SPAG16: variants seen among roughly 807,000 people sequenced by gnomAD.
SPAG16 encodes sperm-associated antigen 16 protein.
Under a neutral mutation model 80.4 loss-of-function variants are expected in SPAG16, and 86 were observed. The ratio of observed to expected loss-of-function variants is 1.07; its 90% CI spans 0.90 to 1.28. The LOEUF is 1.28. Among genes scored for constraint, SPAG16 ranks in the 50% most tolerant of loss-of-function variants. SPAG16 has a pLI of 0.00. For synonymous variants in SPAG16, 294 were observed against 265.9 expected, an observed-to-expected ratio of 1.11 and a Z score of -1.03; for missense variants, 870 against 765.3, an observed-to-expected ratio of 1.14 and a Z score of -1.61.
intron 15 of SPAG16, among the ~76,000 whole-genome samples, chr2:214,312,101 A>G (rs887810230): frequency 6.6e-6 from 1 of 152,348 alleles, no homozygotes; most frequent in South Asian, 2.1e-4. Context: ...AATATTTTAC[A>G]TGGGTTTTAG....
chr2:213,368,421 A>G (rs2066440330), intron 8 of SPAG16, among the ~76,000 whole-genome samples: 2 of 152,176 alleles, frequency 1.3e-5, no homozygotes, highest in South Asian at 4.1e-4. Flanking sequence ...ATCTCAAAAT[A>G]ATAAGAGCTA....
chr2:213,333,722 G>T (rs2064211040), intron 5 of SPAG16, among the ~76,000 whole-genome samples: 1 of 152,082 alleles, frequency 6.6e-6, no homozygotes, highest in Non-Finnish European at 1.5e-5. Context: ...ACACATTTTT[G>T]ACATAAGTGC....
At chr2:213,639,874 C>T (rs2062520455) in intron 10 of SPAG16, among the ~76,000 whole-genome samples, 1 of 152,154 alleles carries the variant, frequency 6.6e-6, no homozygotes, top group Non-Finnish European at 1.5e-5. Flanking sequence ...TCAGGAACAT[C>T]AATTATTCTT....
intron 14 of SPAG16, among the ~76,000 whole-genome samples, chr2:214,109,804 G>A (rs1042747754): frequency 6.6e-6 from 1 of 151,966 alleles, no homozygotes; most frequent in African/African-American, 2.4e-5. Flanking sequence ...TTTCCAGCAG[G>A]GTATGGAAAA....
At chr2:214,139,076 C>T (rs1364202618) in intron 14 of SPAG16, among the ~76,000 whole-genome samples, 1 of 152,130 alleles carries the variant, frequency 6.6e-6, no homozygotes, top group African/African-American at 2.4e-5. Flanking sequence ...GGTGTTTAAT[C>T]ATTCTTTCTT....
intron 14 of SPAG16, among the ~76,000 whole-genome samples, chr2:214,114,524 T>C (rs2053835347): frequency 2.6e-5 from 4 of 152,184 alleles, no homozygotes; most frequent in Admixed American, 2.0e-4. Flanking sequence ...CCCCTCCCCC[T>C]GCCAGGCTGA....
chr2:213,586,658 A>G (rs1056946605), intron 10 of SPAG16, among the ~76,000 whole-genome samples: 1 of 152,224 alleles, frequency 6.6e-6, no homozygotes, highest in Non-Finnish European at 1.5e-5. Context: ...TCTAAACATG[A>G]TCTAAATCAG....
chr2:213,451,070 G>A (rs1477515563), intron 9 of SPAG16, among the ~76,000 whole-genome samples: 1 of 152,046 alleles, frequency 6.6e-6, no homozygotes, highest in Non-Finnish European at 1.5e-5. Context: ...CTGCTTTTAT[G>A]TAACATATCC....
At chr2:213,938,745 G>T (rs959327070) in intron 12 of SPAG16, among the ~76,000 whole-genome samples, 16 of 151,764 alleles carry the variant, frequency 1.1e-4, no homozygotes, top group African/African-American at 3.6e-4. Flanking sequence ...AAGTAAACTG[G>T]TTACTAAATA....
chr2:214,223,110 G>T (rs1428720264), intron 15 of SPAG16, among the ~76,000 whole-genome samples: 1 of 151,964 alleles, frequency 6.6e-6, no homozygotes, highest in Non-Finnish European at 1.5e-5. Context: ...CATTTTAAAA[G>T]ATTTCCATTA....
chr2:213,884,064 G>C (rs2076459361), intron 11 of SPAG16, among the ~76,000 whole-genome samples: 1 of 152,114 alleles, frequency 6.6e-6, no homozygotes, highest in Admixed American at 6.6e-5. Context: ...TTAGCTGGTT[G>C]TCATGTAGAT....
intron 10 of SPAG16, among the ~76,000 whole-genome samples, chr2:213,631,021 C>T (rs1192450496): frequency 6.6e-6 from 1 of 152,050 alleles, no homozygotes; most frequent in Admixed American, 6.6e-5. Context: ...GGAGGAAAGA[C>T]CTAAACGATC....
intron 11 of SPAG16, among the ~76,000 whole-genome samples, chr2:213,884,124 TG>T: frequency 1.1e-5 from 1 of 93,284 alleles, no homozygotes; most frequent in Admixed American, 1.1e-4. Context: ...TGCCTAAGTG[TG>T]TTTTTGTGGT....
chr2:214,153,997 A>G (rs1204662620), intron 15 of SPAG16, among the ~76,000 whole-genome samples: 2 of 152,158 alleles, frequency 1.3e-5, no homozygotes, highest in African/African-American at 4.8e-5. Flanking sequence ...TTGTGAAGGG[A>G]TAAGTGCTCC....
At chr2:213,923,610 G>T (rs1184483155) in intron 11 of SPAG16, among the ~76,000 whole-genome samples, 1 of 152,220 alleles carries the variant, frequency 6.6e-6, no homozygotes, top group African/African-American at 2.4e-5. Context: ...AGCAGGGATG[G>T]ATGGGGTTGT....
At chr2:214,181,091 AT>A (rs1278171922) in intron 15 of SPAG16, among the ~76,000 whole-genome samples, 7 of 151,886 alleles carry the variant, frequency 4.6e-5, no homozygotes, top group African/African-American at 1.4e-4. Context: ...TTTAGAAATA[AT>A]TTTATAAAAA....
chr2:213,975,250 C>T (rs1057371738), intron 12 of SPAG16, among the ~76,000 whole-genome samples: 5 of 150,566 alleles, frequency 3.3e-5, no homozygotes, highest in Admixed American at 3.3e-4. Flanking sequence ...TTTTCAAGTG[C>T]CTATAGAATA....
At chr2:213,644,359 AGTTT>A (rs2062740411) in intron 10 of SPAG16, among the ~76,000 whole-genome samples, 1 of 151,758 alleles carries the variant, frequency 6.6e-6, no homozygotes, top group African/African-American at 2.4e-5. Flanking sequence ...TGACTTATTT[AGTTT>A]ATTTGGTGAG....
chr2:213,655,438 A>T (rs889709635), intron 10 of SPAG16, among the ~76,000 whole-genome samples: 1 of 152,360 alleles, frequency 6.6e-6, no homozygotes, highest in Non-Finnish European at 1.5e-5. Context: ...TGTTAGGCTG[A>T]AATATCTGCA....
Sources: allele counts gnomAD v4.1 joint callset (sites outside exome capture counted in the v4.1 genomes callset), GRCh38; gene constraint gnomAD v4.1.1; transcripts MANE v1.5; gene names NCBI Gene and HGNC (gene_info 2026-07-23, HGNC 2026-07-21).